Variants in ABLIM1 observed in about 807,000 individuals in gnomAD.
ABLIM1 encodes actin binding LIM protein 1, also known as actin-binding LIM protein 1.
ABLIM1 carries 40 observed loss-of-function variants against 107.0 expected under a neutral mutation model. The observed-to-expected ratio is 0.37, with a 90% CI of 0.29 to 0.49. The LOEUF (loss-of-function observed/expected upper bound fraction) is 0.49, where lower values mean the gene tolerates loss of function less well. ABLIM1 is among the 20% of genes least tolerant of loss of function. The pLI is 0.97. For synonymous variants in ABLIM1, 357 were observed against 357.3 expected (o/e 1.00, Z 0.01); for missense variants, 857 against 1,008.5 (o/e 0.85, Z 2.04).
At chr10:114,777,902 C>T in the ABLIM1 span, 1 of 152,292 alleles carries the variant, frequency 6.6e-6, no homozygotes, top group East Asian at 1.9e-4. Context: ...AGGTCTCTCA[C>T]TAAATCTTTT....
chr10:114,737,844 C>T (rs866716914), intron 1 of ABLIM1, among the ~76,000 whole-genome samples: 2 of 152,104 alleles, frequency 1.3e-5, no homozygotes, highest in African/African-American at 4.8e-5. Context: ...GTTTCACCAG[C>T]ATCAGTTCAG....
At chr10:114,534,641 C>T (rs1237122925) in intron 6 of ABLIM1, among the ~76,000 whole-genome samples, 2 of 152,082 alleles carry the variant, frequency 1.3e-5, no homozygotes, top group Admixed American at 6.5e-5. Flanking sequence ...GCCGCCGCCA[C>T]CCCGCCGCAT....
Position 114,526,783 on chromosome 10 carries a change from G to T in ABLIM1, c.894+18222C>A, listed in dbSNP as rs1057276911. On this transcript the variant is annotated intron_variant, in intron 6 of 22. Coordinates refer to ENST00000533213, the MANE Select transcript of ABLIM1 (RefSeq NM_002313.7). ...GTAGATGCCAGACCTCAGCCCGACA[G>T]ACTGAGGCTCCCACCTGCCTGGGTT... 3.2e-5 allele frequency: 32 copies of T among 985,418 alleles called. No individual in the cohort carries two copies. In the African/African-American group the frequency reaches 5.6e-4, roughly 17 times the overall value. The allele number at this position is 985,418 out of a possible 1,614,324, so 61.0% of individuals were successfully genotyped here. A position where few individuals can be genotyped will look rare whatever the true frequency, so the allele number is the denominator to read the frequency against.
At chr10:114,662,988 A>G (rs941743196), upstream of ABLIM1, among the ~76,000 whole-genome samples, 6 of 152,218 alleles carry the variant, frequency 3.9e-5, no homozygotes, top group African/African-American at 1.2e-4. Context: ...ATGTTAGACA[A>G]GACTCTCCCA....
chr10:114,723,176 T>C (rs764641186), intron 1 of ABLIM1, among the ~76,000 whole-genome samples: 3 of 152,038 alleles, frequency 2.0e-5, no homozygotes, highest in Non-Finnish European at 4.4e-5. Context: ...CAGATTTTGG[T>C]GAGGGAGAGA....
At chr10:114,589,112 AC>A (rs2074528392) in intron 2 of ABLIM1, among the ~76,000 whole-genome samples, 1 of 152,160 alleles carries the variant, frequency 6.6e-6, no homozygotes, top group Non-Finnish European at 1.5e-5. Flanking sequence ...TTTTAAAAAC[AC>A]AAATTTTAAA....
chr10:114,727,521 A>C (rs2081985025), intron 1 of ABLIM1, among the ~76,000 whole-genome samples: 1 of 152,268 alleles, frequency 6.6e-6, no homozygotes, highest in Non-Finnish European at 1.5e-5. Context: ...ATTAAAAATC[A>C]TAATAGGAAA....
At chr10:114,712,854 G>A (rs1437227351) in intron 1 of ABLIM1, among the ~76,000 whole-genome samples, 1 of 152,158 alleles carries the variant, frequency 6.6e-6, no homozygotes, top group African/African-American at 2.4e-5. Flanking sequence ...TAGGGCAATG[G>A]ATTGCCCCGA....
chr10:114,618,223 C>T (rs1468177890), intron 1 of ABLIM1, among the ~76,000 whole-genome samples: 2 of 152,226 alleles, frequency 1.3e-5, no homozygotes, highest in Non-Finnish European at 2.9e-5. Flanking sequence ...TATTGTTCTA[C>T]TAGACTCTGT....
chr10:114,754,397 G>A (rs1018097711), intron 1 of ABLIM1, among the ~76,000 whole-genome samples: 2 of 152,334 alleles, frequency 1.3e-5, no homozygotes, highest in Non-Finnish European at 1.5e-5. Flanking sequence ...ACAAGGATCT[G>A]GAAATACACA....
chr10:114,511,529 C>A (rs747615755), intron 6 of ABLIM1, among the ~76,000 whole-genome samples: 11 of 151,798 alleles, frequency 7.2e-5, no homozygotes, highest in Non-Finnish European at 1.5e-4. Flanking sequence ...CCACACCCAG[C>A]TAATTTTTGT....
At chr10:114,782,912 T>C in the ABLIM1 span, among the ~76,000 whole-genome samples, 2 of 152,136 alleles carry the variant, frequency 1.3e-5, no homozygotes, top group Non-Finnish European at 2.9e-5. Context: ...GATGCTTAGG[T>C]TTCCGGCTTC....
At chr10:114,701,079 C>T (rs1370443207) in intron 1 of ABLIM1, among the ~76,000 whole-genome samples, 1 of 151,962 alleles carries the variant, frequency 6.6e-6, no homozygotes, top group Non-Finnish European at 1.5e-5. Context: ...AAAAAAACTC[C>T]TACAACTCAA....
chr10:114,609,164 G>A (rs1484442919), intron 1 of ABLIM1, among the ~76,000 whole-genome samples: 2 of 152,192 alleles, frequency 1.3e-5, no homozygotes, highest in African/African-American at 4.8e-5. Context: ...CCTGTGCTAA[G>A]TGATGTGATC....
chr10:114,610,419 C>T (rs985612520), intron 1 of ABLIM1, among the ~76,000 whole-genome samples: 2 of 152,126 alleles, frequency 1.3e-5, no homozygotes, highest in Admixed American at 6.5e-5. Context: ...TGGCAGTCTA[C>T]GTTTGAGAGA....
intron 21 of ABLIM1, among the ~76,000 whole-genome samples, chr10:114,438,379 C>T (rs941241964): frequency 1.3e-5 from 2 of 152,124 alleles, no homozygotes; most frequent in Admixed American, 6.5e-5. Flanking sequence ...CCTATCTTAC[C>T]CTCCCGAGTA....
chr10:114,690,653 A>G, intron 1 of ABLIM1: 5 of 644,236 alleles, frequency 7.8e-6, no homozygotes, highest in South Asian at 5.9e-5. Flanking sequence ...CTGATACTAC[A>G]GGGCTCCTGG....
chr10:114,551,066 T>C (rs943052369), intron 4 of ABLIM1, among the ~76,000 whole-genome samples: 2 of 152,094 alleles, frequency 1.3e-5, no homozygotes, highest in Admixed American at 1.3e-4. Context: ...AGCATGGGCA[T>C]TGGTGTCAGG....
At chr10:114,754,837 T>G (rs1374427282) in intron 1 of ABLIM1, among the ~76,000 whole-genome samples, 1 of 152,122 alleles carries the variant, frequency 6.6e-6, no homozygotes, top group African/African-American at 2.4e-5. Flanking sequence ...CCCCGAGAGA[T>G]TCTTTATCCT....
Sources: gnomAD v4.1 joint callset for allele counts (sites outside exome capture counted in the v4.1 genomes callset) on GRCh38, gnomAD v4.1.1 for gene constraint, MANE v1.5 for transcripts, NCBI Gene and HGNC (gene_info 2026-07-23, HGNC 2026-07-21) for gene names.